The following DNHD1 variants were observed in gnomAD, a reference collection of about 807,000 sequenced individuals.
The protein encoded by DNHD1 is dynein heavy chain domain-containing protein 1.
In DNHD1, 383 loss-of-function variants were observed where a neutral mutation model predicts 458.1. The ratio of observed to expected loss-of-function variants is 0.84; its 90% confidence interval spans 0.77 to 0.91. The LOEUF is 0.91. Among genes scored for constraint, DNHD1 ranks in the 40% least tolerant of loss-of-function variants. DNHD1 has a pLI of 0.00. For missense variants in DNHD1, 5,336 were observed against 5,866.1 expected (o/e 0.91, Z 2.95); for synonymous variants, 2,203 against 2,376.9 (o/e 0.93, Z 2.13).
intron 4 of DNHD1, 50 bp from the exon 5 acceptor site, chr11:6,508,830 G>C (rs191737842): frequency 3.1e-6 from 5 of 1,592,074 alleles, no homozygotes; most frequent in Non-Finnish European, 3.4e-6. Context: ...GTCTCTTAAA[G>C]TCTGACCACG....
Position 6,566,296 on chromosome 11 carries a change from A to G in DNHD1, c.11109A>G (p.Gln3703=). 1 of 1,551,804 alleles carries G rather than the reference A, an allele frequency of 6.4e-7. No homozygotes were observed. The highest frequency in any genetic ancestry group is 8.7e-7 in the Non-Finnish European group (1 of 1,147,064). Residue 3703 remains glutamine, a synonymous_variant, in exon 34 of 43, where the codon CAA becomes CAG. Coordinates refer to ENST00000254579, the MANE Select transcript of DNHD1 (RefSeq NM_144666.3). The stretch of plus-strand genomic sequence containing the variant: ...TGGGTCTAGGGTGCGAAGAACTGCA[A>G]TGGCTGCTGCAACGGGAGCAGCTGA... ...VELGLGCEEL[Q]WLLQREQLSP... is the part of the protein sequence containing the mutation.
At position 6,539,082 on chromosome 11, in the gene DNHD1, T is replaced by C. The variant is rs564425240; in HGVS notation, c.3326-137T>C. On this transcript the variant is annotated intron_variant, in intron 16 of 42. Transcript: ENST00000254579. The stretch of plus-strand genomic sequence containing the variant: ...CTCTAGACCTTGAGTTCTAAGCTGT[T>C]GGCTCTGTGTTGTGCTCTGAGATCT... 1.5e-5 allele frequency: 10 copies of C among 685,222 alleles called. No individual in the cohort carries two copies. In the South Asian group the frequency reaches 1.7e-4, roughly 12 times the overall value. 42.4% of individuals were successfully genotyped at this position (685,222 alleles called of 1,614,324 possible). A position where few individuals can be genotyped will look rare whatever the true frequency, so the allele number is the denominator to read the frequency against.
At chr11:6,531,481 TG>T (rs1852827428) in intron 12 of DNHD1, among the ~76,000 whole-genome samples, 1 of 152,150 alleles carries the variant, frequency 6.6e-6, no homozygotes, top group Non-Finnish European at 1.5e-5. Context: ...AGCTCCCATC[TG>T]CCTTCATCTG....
chr11:6,539,862 C>A lies in DNHD1; in HGVS notation c.3421-14C>A. On this transcript the variant is annotated splice_polypyrimidine_tract_variant and intron_variant, in intron 17 of 42. Coordinates refer to ENST00000254579, the MANE Select transcript of DNHD1 (RefSeq NM_144666.3). Reference sequence around the variant, plus strand: ...AGTTACCCAGTCCTGGTTCCTGAGACCCAGCTGTTCCAGGTCTGGCAGAAT... The same window carrying A: ...AGTTACCCAGTCCTGGTTCCTGAGAACCAGCTGTTCCAGGTCTGGCAGAAT... 6.4e-7 allele frequency: 1 copy of A among 1,551,424 alleles called. No individual in the cohort carries two copies. Among genetic ancestry groups the A allele is most frequent in the Admixed American group, 2.0e-5 (1 of 51,014 alleles).
chr11:6,544,796 C>T lies in DNHD1; in HGVS notation c.3857C>T (p.Ser1286Phe). The T allele has an allele frequency of 6.4e-7, 1 of 1,550,410 alleles. No homozygotes were observed. Among genetic ancestry groups the T allele is most frequent in the Non-Finnish European group, 8.7e-7 (1 of 1,145,870 alleles). Residue 1286 changes from serine to phenylalanine, a missense_variant, in exon 21 of 43, where the codon TCT becomes TTT. Coordinates refer to ENST00000254579, the MANE Select transcript of DNHD1 (RefSeq NM_144666.3). ...TTATCCTCTCCCTCACCACAGAACT[C>T]TCGTTTCAAGGTCATGGATGACCAG... ...KIQFPNADLN[S>F]RFKVMDDQYR...
At chr11:6,512,434 G>A (rs1268708005) in intron 7 of DNHD1, among the ~76,000 whole-genome samples, 1 of 151,644 alleles carries the variant, frequency 6.6e-6, no homozygotes, top group East Asian at 1.9e-4. Flanking sequence ...GTGTTAGCCA[G>A]GATGGTCTTG....
In DNHD1 at chr11:6,547,637, G is replaced by A. The variant is rs148105430; in HGVS notation, c.6698G>A (p.Arg2233His). The change falls in exon 21 of 43, where the codon CGC (arginine) becomes CAC (histidine). Residue 2233 changes from arginine (R) to histidine (H), a missense_variant. Physicochemically the swap from Arg to His is conservative, Grantham distance 29 (BLOSUM62 0). This residue lies in a region of DNHD1 where 3,932 missense variants were observed against 4,365.6 expected (regional missense o/e 0.90). Transcript: ENST00000254579. Reference sequence around the variant, plus strand: ...CATAGTCTGCTTGACCTCCACCTTCGCCTAAAGGAGGAGAAGGCCCCTGGC... The same window carrying A: ...CATAGTCTGCTTGACCTCCACCTTCACCTAAAGGAGGAGAAGGCCCCTGGC... Reference protein sequence around the residue: ...ILHSLLDLHLRLKEEKAPGPE... With the variant: ...ILHSLLDLHLHLKEEKAPGPE... 314 of 1,530,280 alleles carry A rather than the reference G, an allele frequency of 2.1e-4. 1 individual carries two copies. The highest frequency in any genetic ancestry group is 1.4e-3 in the Middle Eastern group (8 of 5,912). The allele number at this position is 1,530,280 out of a possible 1,614,324, so 94.8% of individuals were successfully genotyped here.
Position 6,564,105 on chromosome 11 carries a change from C to T in DNHD1, c.10265C>T (p.Ala3422Val). 1.3e-6 allele frequency: 2 copies of T among 1,551,042 alleles called. No individual in the cohort carries two copies. The highest frequency in any genetic ancestry group is 1.7e-6 in the Non-Finnish European group (2 of 1,146,648). The change falls in exon 31 of 43, where the codon GCC becomes GTC. Residue 3422 changes from alanine (A) to valine (V), a missense_variant. Physicochemically the swap from Ala to Val is moderately conservative, Grantham distance 64. Transcript: ENST00000254579. ...GCTGCACTGCTCACGCCTATGCGTG[C>T]CTGGACTACACAGCTCCAGGTAACC... ...MKAALLTPMRAWTTQLQKLKG... is the reference protein window; with the variant it reads ...MKAALLTPMRVWTTQLQKLKG...
At position 6,544,944 on chromosome 11, in the gene DNHD1, G is replaced by A. The variant is rs957388809; in HGVS notation, c.4005G>A (p.Ser1335=). 9.0e-6 allele frequency: 14 copies of A among 1,551,582 alleles called. No homozygotes were observed. Among genetic ancestry groups the A allele is most frequent in the African/African-American group, 2.7e-5 (2 of 73,040 alleles). Residue 1335 remains serine (S), a synonymous_variant, in exon 21 of 43, where the codon TCG becomes TCA. Transcript: ENST00000254579. ...TGCAACAACTGCTGCAAGCAGGATC[G>A]GTGGAGCTGGAGGGCATCATCATGA... The part of the protein sequence containing the change: ...QQLQQLLQAG[S]VELEGIIMSL...
At chr11:6,570,557 C>A in intron 41 of DNHD1, 61 bp from the exon 42 acceptor site, 1 of 1,505,756 alleles carries the variant, frequency 6.6e-7, no homozygotes, top group African/African-American at 1.4e-5. Flanking sequence ...AAGGCCTACT[C>A]TCTCGAGTCT....
At chr11:6,512,701 T>C (rs1852370617) in intron 7 of DNHD1, among the ~76,000 whole-genome samples, 1 of 152,210 alleles carries the variant, frequency 6.6e-6, no homozygotes, top group African/African-American at 2.4e-5. Context: ...TTCCTTTTTC[T>C]GTCTTCCTTC....
In DNHD1 at chr11:6,564,619, A is replaced by T. The variant is rs1437044013; in HGVS notation, c.10571A>T (p.Asp3524Val). 3 of 1,551,684 alleles carry T rather than the reference A, an allele frequency of 1.9e-6. No individual in the cohort carries two copies. The South Asian group carries it at 3.6e-5, about 18-fold the overall frequency. ...TCTGAATCGGAGCAGTACCAGTGGG[A>T]TGGAAACCTGAAGCCACAGGCAAAG... Reference protein sequence around the residue: ...LSSESEQYQWDGNLKPQAKSA... With the variant: ...LSSESEQYQWVGNLKPQAKSA... The change falls in exon 32 of 43, where the codon GAT (aspartate) becomes GTT (valine). Residue 3524 changes from aspartate (D) to valine (V), a missense_variant. Physicochemically the swap from Asp to Val is radical, Grantham distance 152. Transcript: ENST00000254579.
At chr11:6,512,417 T>G (rs1048873218) in intron 7 of DNHD1, among the ~76,000 whole-genome samples, 2 of 151,792 alleles carry the variant, frequency 1.3e-5, no homozygotes, top group South Asian at 4.2e-4. Flanking sequence ...AGAGATGGGG[T>G]TTCACTGTGT....
chr11:6,551,705 G>A (rs1037426592), intron 24 of DNHD1, among the ~76,000 whole-genome samples: 1 of 152,192 alleles, frequency 6.6e-6, no homozygotes, highest in African/African-American at 2.4e-5. Context: ...CACTTTGGGA[G>A]GCCAAGGAGG....
chr11:6,535,499 C>T (rs907810555), intron 14 of DNHD1, among the ~76,000 whole-genome samples: 11 of 152,016 alleles, frequency 7.2e-5, no homozygotes, highest in South Asian at 2.1e-4. Flanking sequence ...CCTAAAGTGT[C>T]ATTTTATACC....
intron 3 of DNHD1, among the ~76,000 whole-genome samples, chr11:6,501,629 G>A (rs1436008670): frequency 6.6e-6 from 1 of 151,998 alleles, no homozygotes; most frequent in Non-Finnish European, 1.5e-5. Flanking sequence ...ATGGAACTGG[G>A]AGCTCAGCAG....
Position 6,528,957 on chromosome 11 carries a change from G to T in DNHD1, c.2183G>T (p.Gly728Val), listed in dbSNP as rs1347132003. Residue 728 changes from glycine (G) to valine (V), a missense_variant, in exon 12 of 43, where the codon GGG (glycine) becomes GTG (valine). Around this residue, in one of 4 missense-constraint regions of DNHD1, gnomAD observed 3,932 missense variants for 4,365.6 expected, o/e 0.90. Coordinates refer to ENST00000254579, the MANE Select transcript of DNHD1 (RefSeq NM_144666.3). ...ATTTATGAATTCCTGCAATCCTGGG[G>T]GCCTCAGAAGCTGGAAGACATGAGA... ...TGIYEFLQSWGPQKLEDMRGG... is the reference protein window; with the variant it reads ...TGIYEFLQSWVPQKLEDMRGG... 1 of 1,551,568 alleles carries T rather than the reference G, an allele frequency of 6.4e-7. No individual in the cohort carries two copies. The highest frequency in any genetic ancestry group is 1.4e-5 in the African/African-American group (1 of 73,062).
chr11:6,551,656 G>A (rs1010694347), intron 24 of DNHD1, among the ~76,000 whole-genome samples: 2 of 152,204 alleles, frequency 1.3e-5, no homozygotes, highest in Non-Finnish European at 2.9e-5. Context: ...TAAAAAGGGA[G>A]CCAGGGCCGG....
rs1234911362 is a variant in DNHD1, at chr11:6,551,592, A to G, written c.7387+2659A>G. On this transcript the variant is annotated intron_variant, in intron 24 of 42. Coordinates refer to ENST00000254579, the MANE Select transcript of DNHD1 (RefSeq NM_144666.3). ...CAAATCAAGAAATGAAAAGGAAAACATAAATTTTGAATATCAGGAATGAAA... is the reference window on the plus strand; with the variant it reads ...CAAATCAAGAAATGAAAAGGAAAACGTAAATTTTGAATATCAGGAATGAAA... Among the ~76,000 whole-genome samples the G allele has an allele frequency of 2.0e-5, 3 of 152,244 alleles. No homozygotes were observed. The South Asian group carries it at 6.2e-4, about 31-fold the overall frequency.
Sources: gnomAD v4.1 joint callset for allele counts (sites outside exome capture counted in the v4.1 genomes callset) on GRCh38, gnomAD v4.1.1 for gene constraint, gnomAD v4.1.1 regional missense constraint, MANE v1.5 for transcripts, NCBI Gene and HGNC (gene_info 2026-07-23, HGNC 2026-07-21) for gene names.